Variants in RPS6KB1 observed in about 807,000 individuals in gnomAD.
RPS6KB1 encodes ribosomal protein S6 kinase B1.
RPS6KB1 carries 12 observed loss-of-function variants against 70.2 expected under a neutral mutation model. The ratio of observed to expected loss-of-function variants is 0.17; its 90% CI spans 0.11 to 0.28. The LOEUF is 0.28. RPS6KB1 is among the 10% of genes least tolerant of loss of function. The pLI, the probability that RPS6KB1 is intolerant of heterozygous loss-of-function variation, is 1.00. For synonymous variants in RPS6KB1, 175 were observed against 211.2 expected, an observed-to-expected ratio of 0.83 and a Z score of 1.49; for missense variants, 270 against 646.6, an observed-to-expected ratio of 0.42 and a Z score of 6.32.
intron 13 of RPS6KB1, among the ~76,000 whole-genome samples, chr17:59,942,486 T>C (rs1568506412): frequency 6.6e-6 from 1 of 152,240 alleles, no homozygotes; most frequent in African/African-American, 2.4e-5. Context: ...GTACTTAATA[T>C]GTCACATGAA....
chr17:59,915,942 C>T (rs573366209), intron 4 of RPS6KB1, among the ~76,000 whole-genome samples: 38 of 151,432 alleles, frequency 2.5e-4, no homozygotes, highest in African/African-American at 5.6e-4. Flanking sequence ...TGTGCCACCA[C>T]GCCCGGCTAA....
chr17:59,941,484 C>CTAATTTTT (rs2044580499), intron 13 of RPS6KB1, among the ~76,000 whole-genome samples: 1 of 151,942 alleles, frequency 6.6e-6, no homozygotes, highest in African/African-American at 2.4e-5. Flanking sequence ...CCACATGCAG[C>CTAATTTTT]TAATTTTTTA....
Position 59,906,692 on chromosome 17 carries a change from T to C in RPS6KB1, c.142-3870T>C, listed in dbSNP as rs145316802. Among the ~76,000 whole-genome samples the C allele has an allele frequency of 1.2e-4, 19 of 152,038 alleles. No homozygotes were observed. In the East Asian group the frequency reaches 3.7e-3, roughly 29 times the overall value. On this transcript the variant is annotated intron_variant, in intron 1 of 14. Coordinates refer to ENST00000225577, the MANE Select transcript of RPS6KB1 (RefSeq NM_003161.4). Reference sequence around the variant, plus strand: ...CCTTTGCATTTCTTTCTTTCTTTACTTTTTTTTGTTTGTTTGTTTTGAGAT... The same window carrying C: ...CCTTTGCATTTCTTTCTTTCTTTACCTTTTTTTGTTTGTTTGTTTTGAGAT...
chr17:59,936,383 G>T (rs2044245633), intron 11 of RPS6KB1, 81 bp from the exon 12 acceptor site: 1 of 1,524,058 alleles, frequency 6.6e-7, no homozygotes, highest in East Asian at 2.2e-5. Context: ...TTTGTGACTT[G>T]TAACTTCAAA....
intron 1 of RPS6KB1, among the ~76,000 whole-genome samples, chr17:59,902,144 A>T (rs1460659762): frequency 4.2e-5 from 5 of 119,150 alleles, no homozygotes; most frequent in Non-Finnish European, 7.9e-5. Flanking sequence ...TCACTCTATC[A>T]CCTAGGCTGG....
At chr17:59,903,845 G>C (rs1359807331) in intron 1 of RPS6KB1, among the ~76,000 whole-genome samples, 1 of 151,948 alleles carries the variant, frequency 6.6e-6, no homozygotes, top group Non-Finnish European at 1.5e-5. Context: ...ATTTTCTTTG[G>C]AGAAATACCT....
intron 12 of RPS6KB1, among the ~76,000 whole-genome samples, chr17:59,936,990 G>C (rs1389582922): frequency 6.6e-6 from 1 of 152,044 alleles, no homozygotes; most frequent in Non-Finnish European, 1.5e-5. Context: ...TTCCCAAATA[G>C]CTACGACTAC....
chr17:59,909,942 G>A (rs1485127974), intron 1 of RPS6KB1, among the ~76,000 whole-genome samples: 1 of 152,068 alleles, frequency 6.6e-6, no homozygotes, highest in Non-Finnish European at 1.5e-5. Context: ...AACCTGGGAG[G>A]TGGAGGTTGC....
intron 1 of RPS6KB1, chr17:59,907,324 A>C (rs1206968528): frequency 6.6e-6 from 1 of 151,972 alleles, no homozygotes; most frequent in Non-Finnish European, 1.5e-5. Context: ...TTCTATATGA[A>C]ATTTAGGATC....
chr17:59,897,519 G>A (rs1035665152), intron 1 of RPS6KB1, among the ~76,000 whole-genome samples: 4 of 152,000 alleles, frequency 2.6e-5, no homozygotes, highest in East Asian at 3.8e-4. Context: ...AATTGATCCC[G>A]TTTAGAGAGA....
intron 13 of RPS6KB1, among the ~76,000 whole-genome samples, chr17:59,943,827 G>A (rs748233640): frequency 4.1e-5 from 6 of 145,150 alleles, no homozygotes; most frequent in East Asian, 2.0e-4. Flanking sequence ...CTGAGATCAC[G>A]CCCCTCACTG....
At chr17:59,910,140 T>C (rs888707708) in intron 1 of RPS6KB1, among the ~76,000 whole-genome samples, 1 of 148,088 alleles carries the variant, frequency 6.8e-6, no homozygotes, top group African/African-American at 2.5e-5. Context: ...TGAGCTGAGA[T>C]GGCACCGCTG....
chr17:59,937,555 C>T (rs999947477), intron 12 of RPS6KB1, among the ~76,000 whole-genome samples: 7 of 152,194 alleles, frequency 4.6e-5, no homozygotes, highest in African/African-American at 1.7e-4. Flanking sequence ...TGCTGGTAAT[C>T]TTTGTCATTC....
intron 1 of RPS6KB1, among the ~76,000 whole-genome samples, chr17:59,903,593 TAGTA>T (rs1284461911): frequency 6.6e-6 from 1 of 152,196 alleles, no homozygotes; most frequent in African/African-American, 2.4e-5. Flanking sequence ...GGTCATGCAG[TAGTA>T]AGTCTATGTT....
At chr17:59,921,102 T>A (rs1470796283) in intron 4 of RPS6KB1, among the ~76,000 whole-genome samples, 4 of 152,192 alleles carry the variant, frequency 2.6e-5, no homozygotes, top group Non-Finnish European at 4.4e-5. Flanking sequence ...TGAAGTATGT[T>A]TTTGGCACAG....
intron 4 of RPS6KB1, among the ~76,000 whole-genome samples, chr17:59,919,094 C>T (rs2043125373): frequency 6.6e-6 from 1 of 152,122 alleles, no homozygotes; most frequent in South Asian, 2.1e-4. Context: ...GCCTCAATAA[C>T]CCATCCACTG....
intron 5 of RPS6KB1, among the ~76,000 whole-genome samples, chr17:59,929,793 TAA>T (rs1260751281): frequency 6.6e-6 from 1 of 152,194 alleles, no homozygotes; most frequent in Non-Finnish European, 1.5e-5. Flanking sequence ...GGTAAAATGT[TAA>T]AGAGTCTTTA....
At chr17:59,918,576 G>T (rs1049838377) in intron 4 of RPS6KB1, among the ~76,000 whole-genome samples, 5 of 151,788 alleles carry the variant, frequency 3.3e-5, no homozygotes, top group African/African-American at 1.2e-4. Context: ...CATCATGTTG[G>T]CCAGACTGGT....
At chr17:59,926,232 C>T (rs2043598876) in intron 4 of RPS6KB1, among the ~76,000 whole-genome samples, 3 of 152,156 alleles carry the variant, frequency 2.0e-5, no homozygotes, top group Admixed American at 2.0e-4. Flanking sequence ...AATTCACTTA[C>T]GTGTTCACTG....
Sources: gnomAD v4.1 joint callset for allele counts (sites outside exome capture counted in the v4.1 genomes callset) on GRCh38, gnomAD v4.1.1 for gene constraint, MANE v1.5 for transcripts, NCBI Gene and HGNC (gene_info 2026-07-23, HGNC 2026-07-21) for gene names.